Variants in ERI1 observed in about 807,000 individuals in gnomAD.
ERI1 encodes exoribonuclease 1.
A neutral mutation model predicts 39.7 loss-of-function variants in ERI1; 39 were observed. The observed-to-expected ratio is 0.98, with a 90% CI of 0.76 to 1.28. ERI1 has a LOEUF of 1.28. ERI1 is among the 50% of genes most tolerant of loss of function. The pLI, the probability that ERI1 is intolerant of heterozygous loss-of-function variation, is 0.00. For synonymous variants in ERI1, 204 were observed against 149.6 expected, an observed-to-expected ratio of 1.36 and a Z score of -2.65; for missense variants, 581 against 416.9, an observed-to-expected ratio of 1.39 and a Z score of -3.43.
intron 5 of ERI1, 48 bp downstream of exon 5, chr8:9,018,454 A>G: frequency 9.5e-7 from 1 of 1,053,340 alleles, no homozygotes; most frequent in Non-Finnish European, 1.4e-6. Context: ...TTTAAAGATT[A>G]AAGATACCCT....
chr8:9,070,264 AACTAAAAAG>A (rs891106749), intron 3 of ERI1, among the ~76,000 whole-genome samples: 1 of 151,920 alleles, frequency 6.6e-6, no homozygotes, highest in African/African-American at 2.4e-5. Context: ...ACCAAACCAA[AACTAAAAAG>A]ACTATTAAAA....
At chr8:9,016,916 A>G (rs1245180664) in intron 4 of ERI1, among the ~76,000 whole-genome samples, 2 of 151,928 alleles carry the variant, frequency 1.3e-5, no homozygotes, top group Non-Finnish European at 2.9e-5. Flanking sequence ...CGAACACCTA[A>G]CCTCAAGTGT....
intron 6 of ERI1, among the ~76,000 whole-genome samples, chr8:9,027,209 ATC>A (rs1797236137): frequency 2.7e-5 from 4 of 150,082 alleles, no homozygotes; most frequent in Non-Finnish European, 4.4e-5. Context: ...GTGAAGTGGT[ATC>A]TCATTGTGGT....
chr8:9,009,318 G>C (rs1018772608), intron 2 of ERI1, among the ~76,000 whole-genome samples: 3 of 152,174 alleles, frequency 2.0e-5, no homozygotes, highest in Non-Finnish European at 4.4e-5. Flanking sequence ...GGTCTGGCCA[G>C]GTACAGCATG....
intron 3 of ERI1, among the ~76,000 whole-genome samples, chr8:9,052,348 C>T (rs187013984): frequency 6.6e-6 from 1 of 151,836 alleles, no homozygotes; most frequent in East Asian, 1.9e-4. Context: ...CCCCTTTAAG[C>T]AAAATTGAGT....
At position 9,072,764 on chromosome 8, in the gene ERI1, A is replaced by C. The variant is rs1190547554; in HGVS notation, n.300-43584A>C. On this transcript the variant is annotated intron_variant and non_coding_transcript_variant, in intron 3 of 3. Coordinates refer to the ERI1 transcript ENST00000518663. ...GCTCTGCCACAGTGCTAAGGAACAGAGTGACCCCCCACCCCACTCCCGACA... is the reference window on the plus strand; with the variant it reads ...GCTCTGCCACAGTGCTAAGGAACAGCGTGACCCCCCACCCCACTCCCGACA... Among the ~76,000 whole-genome samples, 10 of 152,158 alleles carry C rather than the reference A, an allele frequency of 6.6e-5. 1 individual carries two copies. Among genetic ancestry groups the C allele is most frequent in the Admixed American group, 6.5e-4 (10 of 15,272 alleles).
chr8:9,055,600 T>C (rs1166122514), intron 3 of ERI1, among the ~76,000 whole-genome samples: 1 of 152,094 alleles, frequency 6.6e-6, no homozygotes. Flanking sequence ...AGTGCAGTGG[T>C]GCGATCTCGG....
At chr8:9,003,919 A>G (rs1422758488) in intron 1 of ERI1, among the ~76,000 whole-genome samples, 2 of 152,218 alleles carry the variant, frequency 1.3e-5, no homozygotes, top group African/African-American at 4.8e-5. Flanking sequence ...TTCCGTCCAC[A>G]GTCAGTTTCC....
At chr8:9,036,833 C>G (rs114920339), downstream of ERI1, among the ~76,000 whole-genome samples, 292 of 152,328 alleles carry the variant, frequency 1.9e-3, 1 homozygote, top group African/African-American at 6.6e-3. Context: ...AGTGTCCATT[C>G]TTGCTTGCCG....
intron 1 of ERI1, chr8:9,004,362 T>G: frequency 1.1e-6 from 1 of 935,440 alleles, no homozygotes; most frequent in Non-Finnish European, 1.4e-6. Context: ...TGAATATGCT[T>G]CTTTATATTT....
intron 3 of ERI1, among the ~76,000 whole-genome samples, chr8:9,097,020 C>T (rs1563103787): frequency 6.6e-6 from 1 of 152,006 alleles, no homozygotes; most frequent in Non-Finnish European, 1.5e-5. Flanking sequence ...ACCTTTCCTA[C>T]CCAGGTCCCA....
At chr8:9,017,428 C>T (rs936602944) in intron 4 of ERI1, among the ~76,000 whole-genome samples, 1 of 152,120 alleles carries the variant, frequency 6.6e-6, no homozygotes, top group Admixed American at 6.6e-5. Flanking sequence ...ATTCACTCCA[C>T]GTGTATTTGA....
intron 3 of ERI1, among the ~76,000 whole-genome samples, chr8:9,089,704 C>T (rs1169174875): frequency 6.6e-6 from 1 of 152,172 alleles, no homozygotes; most frequent in African/African-American, 2.4e-5. Context: ...TCTTCACTAG[C>T]TGTACAAAAT....
chr8:9,089,093 G>A (rs955789004), intron 3 of ERI1, among the ~76,000 whole-genome samples: 3 of 152,182 alleles, frequency 2.0e-5, no homozygotes, highest in Admixed American at 6.5e-5. Context: ...ACTAAGGCTC[G>A]GTTTCCTCAA....
intron 1 of ERI1, among the ~76,000 whole-genome samples, chr8:9,005,746 G>A (rs1815943712): frequency 6.6e-6 from 1 of 151,894 alleles, no homozygotes; most frequent in Admixed American, 6.6e-5. Context: ...CGCCCGCCTC[G>A]GCCTCCCAAA....
chr8:9,057,974 T>C (rs1798563292), intron 3 of ERI1, among the ~76,000 whole-genome samples: 1 of 152,096 alleles, frequency 6.6e-6, no homozygotes, highest in Admixed American at 6.5e-5. Flanking sequence ...GTGGATCTCA[T>C]AGGGTCTTGG....
rs551061919 is a variant in ERI1 at position 9,094,684 on chromosome 8, G to A, written n.300-21664G>A. ...TTATTTGGTCTGTTTTACAATGTGA[G>A]TTCCTGCTGGAGTTCACTGCTTTGG... is the stretch of plus-strand genomic sequence containing the variant. On this transcript the variant is annotated intron_variant and non_coding_transcript_variant, in intron 3 of 3. Coordinates refer to the ERI1 transcript ENST00000518663. Among the ~76,000 whole-genome samples the A allele has an allele frequency of 3.9e-5, 6 of 152,314 alleles. No individual in the cohort carries two copies. In the South Asian group the frequency reaches 6.2e-4, roughly 16 times the overall value.
intron 3 of ERI1, among the ~76,000 whole-genome samples, chr8:9,078,394 T>C (rs540364178): frequency 6.6e-6 from 1 of 152,266 alleles, no homozygotes; most frequent in East Asian, 1.9e-4. Flanking sequence ...GGGAGAGTAG[T>C]ATTCCCATTT....
rs576942771 is a variant in ERI1, at chr8:9,030,870, G to T, written c.*836G>T. On this transcript the variant is annotated 3_prime_UTR_variant, in exon 7 of 7. Coordinates refer to ENST00000250263, the MANE Select transcript of ERI1 (RefSeq NM_153332.4). The stretch of plus-strand genomic sequence containing the variant: ...CTAATTTTACTTTGTATTCAGTATC[G>T]TAAGTGAGGTTAATAAAGTCAATAC... The T allele has an allele frequency of 6.6e-6, 1 of 152,068 alleles. No individual in the cohort carries two copies. The highest frequency in any genetic ancestry group is 2.4e-5 in the African/African-American group (1 of 41,418). 9.4% of individuals were successfully genotyped at this position (152,068 alleles called of 1,614,324 possible).
Sources: allele counts gnomAD v4.1 joint callset (sites outside exome capture counted in the v4.1 genomes callset), GRCh38; gene constraint gnomAD v4.1.1; transcripts MANE v1.5; gene names NCBI Gene and HGNC (gene_info 2026-07-23, HGNC 2026-07-21).